The following PCDH11Y variants were observed in gnomAD, a reference collection of about 807,000 sequenced individuals.
PCDH11Y encodes the protein protocadherin-11 Y-linked.
For missense variants in PCDH11Y, 12 were observed against 224.8 expected (o/e 0.05, Z 6.05); for synonymous variants, 9 against 83.6 (o/e 0.11, Z 4.87).
chrY:5,046,467 G>C, intron 3 of PCDH11Y, among the ~76,000 whole-genome samples: 1 of 33,849 alleles, frequency 3.0e-5, no homozygotes, highest in Non-Finnish European at 7.4e-5. Context: ...CAGTCTGCGT[G>C]TTCTCAGATC....
intron 2 of PCDH11Y, among the ~76,000 whole-genome samples, chrY:5,267,201 T>C: frequency 5.6e-5 from 1 of 17,751 alleles, no homozygotes; most frequent in Non-Finnish European, 1.4e-4. Context: ...TTGTTGCTTT[T>C]TTTTTTTTTT....
intron 4 of PCDH11Y, among the ~76,000 whole-genome samples, chrY:5,728,438 A>C: frequency 1.2e-4 from 4 of 33,058 alleles, no homozygotes; most frequent in Admixed American, 1.1e-3. Context: ...ACTTACCAGC[A>C]CTTGGTATTT....
At chrY:5,448,463 C>G in intron 2 of PCDH11Y, among the ~76,000 whole-genome samples, 1 of 33,237 alleles carries the variant, frequency 3.0e-5, no homozygotes, top group East Asian at 8.0e-4. Context: ...TAAATTATAA[C>G]TGCATAAGTT....
At chrY:5,030,865 C>G in intron 1 of PCDH11Y, 1 of 32,206 alleles carries the variant, frequency 3.1e-5, no homozygotes, top group Non-Finnish European at 7.6e-5. Context: ...TTATCTCCCC[C>G]ACTACATAAA....
At chrY:5,218,367 G>A in intron 2 of PCDH11Y, among the ~76,000 whole-genome samples, 1 of 32,842 alleles carries the variant, frequency 3.0e-5, no homozygotes, top group Non-Finnish European at 7.5e-5. Flanking sequence ...GTCTTCTTCC[G>A]TTCCCCTTGG....
intron 2 of PCDH11Y, among the ~76,000 whole-genome samples, chrY:5,467,422 A>C: frequency 6.5e-5 from 2 of 31,006 alleles, no homozygotes; most frequent in African/African-American, 2.5e-4. Flanking sequence ...ATACTGTTTC[A>C]CATATTTTCA....
chrY:5,357,706 T>C, intron 2 of PCDH11Y, among the ~76,000 whole-genome samples: 2 of 33,303 alleles, frequency 6.0e-5, no homozygotes, highest in Non-Finnish European at 1.5e-4. Context: ...AAGTAGATTT[T>C]AGACTTTAAA....
chrY:5,494,097 A>G, intron 2 of PCDH11Y, among the ~76,000 whole-genome samples: 1 of 33,477 alleles, frequency 3.0e-5, no homozygotes, highest in Non-Finnish European at 7.4e-5. Context: ...AGTACCAAAA[A>G]CAATGTAGAT....
chrY:5,441,244 T>G, intron 2 of PCDH11Y, among the ~76,000 whole-genome samples: 1 of 32,768 alleles, frequency 3.1e-5, no homozygotes, highest in African/African-American at 1.2e-4. Context: ...CCTAAAAGTC[T>G]AACATAGTAG....
chrY:5,507,325 G>A, intron 3 of PCDH11Y, among the ~76,000 whole-genome samples: 4 of 32,276 alleles, frequency 1.2e-4, no homozygotes, highest in Admixed American at 1.2e-3. Flanking sequence ...GGTAAAACAC[G>A]TCTTACGATA....
chrY:5,375,127 A>C (rs1602914720), intron 2 of PCDH11Y, among the ~76,000 whole-genome samples: 2 of 33,059 alleles, frequency 6.0e-5, no homozygotes, highest in East Asian at 1.6e-3. Context: ...ACATGTAGCT[A>C]TTTGAGAAAG....
At chrY:5,707,478 G>T in intron 4 of PCDH11Y, among the ~76,000 whole-genome samples, 1 of 27,521 alleles carries the variant, frequency 3.6e-5, no homozygotes, top group Non-Finnish European at 8.4e-5. Flanking sequence ...GTGTATATGT[G>T]TATATATATA....
At chrY:5,407,729 A>T (rs71201663) in intron 2 of PCDH11Y, among the ~76,000 whole-genome samples, 21 of 30,805 alleles carry the variant, frequency 6.8e-4, no homozygotes, top group South Asian at 4.5e-3. Flanking sequence ...CTGGCTAACA[A>T]GGTGAAACCC....
At chrY:5,621,045 G>A (rs2053498987) in intron 4 of PCDH11Y, among the ~76,000 whole-genome samples, 1 of 32,243 alleles carries the variant, frequency 3.1e-5, no homozygotes, top group African/African-American at 1.2e-4. Flanking sequence ...TTCTGGCCAG[G>A]GCAATCAGGC....
chrY:5,673,947 C>G (rs2124708773), intron 4 of PCDH11Y, among the ~76,000 whole-genome samples: 2 of 31,469 alleles, frequency 6.4e-5, no homozygotes, highest in South Asian at 1.5e-3. Context: ...CTATAACTTA[C>G]ACCTATTTTT....
chrY:5,236,050 C>G, intron 2 of PCDH11Y, among the ~76,000 whole-genome samples: 1 of 33,691 alleles, frequency 3.0e-5, no homozygotes, highest in African/African-American at 1.2e-4. Context: ...GGCAAATATT[C>G]CTGAAAGAAA....
chrY:5,046,128 T>C, intron 3 of PCDH11Y, among the ~76,000 whole-genome samples: 1 of 34,338 alleles, frequency 2.9e-5, no homozygotes, highest in Non-Finnish European at 7.3e-5. Flanking sequence ...AGTCATTCTC[T>C]GTCCAGCTTT....
chrY:5,001,653 C>T, intron 1 of PCDH11Y, among the ~76,000 whole-genome samples: 1 of 34,100 alleles, frequency 2.9e-5, no homozygotes, highest in South Asian at 6.4e-4. Context: ...AGCGAGCAGC[C>T]GCAAACGGGT....
intron 1 of PCDH11Y, among the ~76,000 whole-genome samples, chrY:5,060,669 T>C (rs2052672627): frequency 3.6e-5 from 1 of 27,708 alleles, no homozygotes; most frequent in African/African-American, 1.4e-4. Flanking sequence ...TGTAGATGGA[T>C]AGATAACCTT....
Sources: gnomAD v4.1 joint callset for allele counts (sites outside exome capture counted in the v4.1 genomes callset) on GRCh38, gnomAD v4.1.1 for gene constraint, MANE v1.5 for transcripts, NCBI Gene and HGNC (gene_info 2026-07-23, HGNC 2026-07-21) for gene names.